Variants in CCSER1 observed in about 807,000 individuals in gnomAD.
CCSER1 encodes serine-rich coiled-coil domain-containing protein 1.
A neutral mutation model predicts 82.0 loss-of-function variants in CCSER1; 41 were observed. That is an observed-to-expected ratio of 0.50 (90% confidence interval 0.39 to 0.65). The LOEUF (loss-of-function observed/expected upper bound fraction) is 0.65, where lower values mean the gene tolerates loss of function less well. Among genes scored for constraint, CCSER1 ranks in the 30% least tolerant of loss-of-function variants. The pLI is 0.00. For synonymous variants in CCSER1, 414 were observed against 383.9 expected (o/e 1.08, Z -0.92); for missense variants, 1,119 against 1,064.2 (o/e 1.05, Z -0.72).
intron 4 of CCSER1, among the ~76,000 whole-genome samples, chr4:90,428,584 A>G (rs763517449): frequency 2.6e-5 from 4 of 151,890 alleles, no homozygotes; most frequent in African/African-American, 4.8e-5. Context: ...AATGTATTTA[A>G]TATTCATTAA....
intron 10 of CCSER1, among the ~76,000 whole-genome samples, chr4:91,252,815 T>TA (rs1325380891): frequency 2.0e-5 from 3 of 152,060 alleles, no homozygotes; most frequent in African/African-American, 7.2e-5. Flanking sequence ...CTTTCTCATT[T>TA]TAAAAAAAAT....
At chr4:90,444,585 G>A (rs1025126671) in intron 4 of CCSER1, among the ~76,000 whole-genome samples, 1 of 152,000 alleles carries the variant, frequency 6.6e-6, no homozygotes, top group South Asian at 2.1e-4. Context: ...CATGGTAAAT[G>A]ACAATACTGC....
chr4:91,339,018 G>A (rs1017455548), intron 10 of CCSER1, among the ~76,000 whole-genome samples: 1 of 152,066 alleles, frequency 6.6e-6, no homozygotes, highest in Non-Finnish European at 1.5e-5. Context: ...ATCAAGTAAT[G>A]AGTTTTAAAA....
At chr4:91,389,316 C>A (rs1024578792) in intron 10 of CCSER1, among the ~76,000 whole-genome samples, 2 of 151,822 alleles carry the variant, frequency 1.3e-5, no homozygotes, top group Non-Finnish European at 2.9e-5. Context: ...TTTCCAGCAC[C>A]ATTTGTTGAA....
At chr4:90,486,796 A>C (rs1456231199) in intron 5 of CCSER1, among the ~76,000 whole-genome samples, 1 of 152,220 alleles carries the variant, frequency 6.6e-6, no homozygotes, top group Non-Finnish European at 1.5e-5. Flanking sequence ...CTAGAGCACC[A>C]ATCTTGAGAC....
chr4:91,457,176 T>TA (rs1756226983), intron 10 of CCSER1, among the ~76,000 whole-genome samples: 1 of 152,138 alleles, frequency 6.6e-6, no homozygotes, highest in Admixed American at 6.6e-5. Flanking sequence ...TATCAACTGA[T>TA]ATTCATATTA....
chr4:90,142,066 G>A (rs951578668), intron 1 of CCSER1, among the ~76,000 whole-genome samples: 1 of 152,090 alleles, frequency 6.6e-6, no homozygotes, highest in Admixed American at 6.6e-5. Flanking sequence ...CTCTAAATAG[G>A]TATTTTTAAT....
intron 1 of CCSER1, among the ~76,000 whole-genome samples, chr4:90,236,558 A>G (rs770180025): frequency 3.9e-5 from 6 of 152,200 alleles, no homozygotes; most frequent in Non-Finnish European, 8.8e-5. Flanking sequence ...TCCACCTGGG[A>G]TAATAACAAT....
rs562721315 is a variant in CCSER1, at chr4:90,337,006, G to T, written c.1509+23959G>T. Among the ~76,000 whole-genome samples the T allele has an allele frequency of 2.6e-5, 4 of 152,224 alleles. No homozygotes were observed. In the East Asian group the frequency reaches 7.7e-4, roughly 29 times the overall value. On this transcript the variant is annotated intron_variant, in intron 3 of 10. Transcript: ENST00000509176. Reference sequence around the variant, plus strand: ...CAAACTGCAAGACAAGGTAATATCTGGCCTAGAAAATAAGGTGAAGTAGAA... The same window carrying T: ...CAAACTGCAAGACAAGGTAATATCTTGCCTAGAAAATAAGGTGAAGTAGAA...
At chr4:91,010,786 T>C (rs1371480253) in intron 9 of CCSER1, among the ~76,000 whole-genome samples, 1 of 134,796 alleles carries the variant, frequency 7.4e-6, no homozygotes, top group African/African-American at 2.5e-5. Context: ...TCCATCTCTT[T>C]GCTAAATTTA....
At chr4:91,391,527 C>A (rs775690028) in intron 10 of CCSER1, among the ~76,000 whole-genome samples, 2 of 152,048 alleles carry the variant, frequency 1.3e-5, no homozygotes, top group Non-Finnish European at 2.9e-5. Flanking sequence ...TCTTGAATTC[C>A]TGGGCTCAAG....
chr4:91,474,855 G>C (rs1427495636), intron 10 of CCSER1, among the ~76,000 whole-genome samples: 1 of 149,324 alleles, frequency 6.7e-6, no homozygotes, highest in African/African-American at 2.5e-5. Flanking sequence ...TTCCAAATTT[G>C]AGGGATAAAA....
At chr4:91,148,775 G>T (rs1056496005) in intron 10 of CCSER1, among the ~76,000 whole-genome samples, 1 of 152,074 alleles carries the variant, frequency 6.6e-6, no homozygotes, top group Non-Finnish European at 1.5e-5. Flanking sequence ...GAGAATGATG[G>T]TTTCTAGCTT....
intron 10 of CCSER1, among the ~76,000 whole-genome samples, chr4:91,245,799 C>A (rs140163453): frequency 6.6e-6 from 1 of 152,124 alleles, no homozygotes; most frequent in African/African-American, 2.4e-5. Context: ...CAGGTTCAAA[C>A]GATTCTCCTG....
chr4:91,364,521 C>T (rs1385730893), intron 10 of CCSER1, among the ~76,000 whole-genome samples: 7 of 151,930 alleles, frequency 4.6e-5, no homozygotes, highest in Non-Finnish European at 4.4e-5. Flanking sequence ...ACTAGTTATC[C>T]AACAAGAAAA....
intron 9 of CCSER1, among the ~76,000 whole-genome samples, chr4:90,925,305 T>C (rs1407440439): frequency 6.6e-6 from 1 of 152,200 alleles, no homozygotes; most frequent in Non-Finnish European, 1.5e-5. Flanking sequence ...TACTACTACA[T>C]GACGTTTGTT....
intron 10 of CCSER1, among the ~76,000 whole-genome samples, chr4:91,433,963 G>A (rs1473769082): frequency 2.6e-5 from 4 of 152,168 alleles, no homozygotes; most frequent in African/African-American, 9.7e-5. Context: ...AATAATCATA[G>A]TATAGGTTCT....
At chr4:91,455,291 T>C (rs1756093017) in intron 10 of CCSER1, among the ~76,000 whole-genome samples, 1 of 152,122 alleles carries the variant, frequency 6.6e-6, no homozygotes, top group Non-Finnish European at 1.5e-5. Context: ...TGTTTCTCCT[T>C]GCTATGGTCT....
intron 9 of CCSER1, among the ~76,000 whole-genome samples, chr4:91,003,778 T>C (rs1380012769): frequency 1.3e-5 from 2 of 152,174 alleles, no homozygotes; most frequent in African/African-American, 4.8e-5. Context: ...AAAGTTCGAC[T>C]GGAAATTTCC....
Sources: gnomAD v4.1 joint callset for allele counts (sites outside exome capture counted in the v4.1 genomes callset) on GRCh38, gnomAD v4.1.1 for gene constraint, MANE v1.5 for transcripts, NCBI Gene and HGNC (gene_info 2026-07-23, HGNC 2026-07-21) for gene names.